Variants in GRID2 observed in about 807,000 individuals in gnomAD.
GRID2 encodes the protein glutamate ionotropic receptor delta type subunit 2.
Under a neutral mutation model 114.8 loss-of-function variants are expected in GRID2, and 33 were observed. The observed-to-expected ratio is 0.29, with a 90% CI of 0.22 to 0.38. GRID2 has a LOEUF of 0.38. Among genes scored for constraint, GRID2 ranks in the 10% least tolerant of loss-of-function variants. The pLI is 1.00. For synonymous variants in GRID2, 505 were observed against 449.9 expected (o/e 1.12, Z -1.55); for missense variants, 1,184 against 1,257.7 (o/e 0.94, Z 0.89).
chr4:92,822,454 G>A (rs1741354871), intron 2 of GRID2: 4 of 483,558 alleles, frequency 8.3e-6, no homozygotes, highest in Non-Finnish European at 1.6e-5. Flanking sequence ...GCTGCCGTTA[G>A]GTGAGAAGTG....
intron 1 of GRID2, among the ~76,000 whole-genome samples, chr4:92,371,235 G>A (rs540051045): frequency 3.7e-4 from 57 of 152,252 alleles, no homozygotes; most frequent in Admixed American, 4.6e-4. Flanking sequence ...TTATCCAGAA[G>A]ACATAGCTAA....
chr4:92,673,615 G>C (rs541378117), intron 2 of GRID2, among the ~76,000 whole-genome samples: 3 of 152,092 alleles, frequency 2.0e-5, no homozygotes, highest in Non-Finnish European at 4.4e-5. Context: ...TTTTTTTAAA[G>C]ATATTTTCCC....
intron 1 of GRID2, among the ~76,000 whole-genome samples, chr4:92,438,067 T>C (rs1380136434): frequency 3.3e-5 from 5 of 152,240 alleles, no homozygotes; most frequent in Non-Finnish European, 2.9e-5. Context: ...TATTTAAGGC[T>C]GTTAAGTATT....
intron 2 of GRID2, among the ~76,000 whole-genome samples, chr4:92,965,450 T>TGAAAAAAAAAAA: frequency 1.2e-5 from 1 of 85,760 alleles, no homozygotes; most frequent in Admixed American, 1.1e-4. Context: ...ATTCAATTTG[T>TGAAAAAAAAAAA]AAAAAAAAAA....
chr4:92,802,118 T>A (rs546532571), intron 2 of GRID2, among the ~76,000 whole-genome samples: 1 of 152,086 alleles, frequency 6.6e-6, no homozygotes, highest in South Asian at 2.1e-4. Context: ...TTGTACTTTT[T>A]AAAATACATA....
downstream of GRID2, among the ~76,000 whole-genome samples, chr4:93,775,468 T>A (rs1321815704): frequency 6.6e-6 from 1 of 152,194 alleles, no homozygotes; most frequent in Non-Finnish European, 1.5e-5. Context: ...TTGGGACACA[T>A]AGATCATCTG....
chr4:92,622,078 G>C (rs1019948916), intron 2 of GRID2, among the ~76,000 whole-genome samples: 1 of 151,642 alleles, frequency 6.6e-6, no homozygotes, highest in African/African-American at 2.4e-5. Context: ...AATAATTGAG[G>C]CAATGTGGAA....
At chr4:93,054,184 A>G (rs963865546) in intron 2 of GRID2, among the ~76,000 whole-genome samples, 5 of 151,968 alleles carry the variant, frequency 3.3e-5, no homozygotes, top group Non-Finnish European at 5.9e-5. Flanking sequence ...AGAAATGCTA[A>G]ATGAAACAAA....
chr4:93,772,058 C>G lies in GRID2; in HGVS notation c.2602-18C>G. ...CTAGTACTGATGAGAACCTTATTTT[C>G]TTTTTCTTCATCTCCAGGATGACAA... On this transcript the variant is annotated intron_variant, in intron 15 of 15. Coordinates refer to ENST00000282020, the MANE Select transcript of GRID2 (RefSeq NM_001510.4). The G allele has an allele frequency of 6.5e-7, 1 of 1,532,162 alleles. No homozygotes were observed. Among genetic ancestry groups the G allele is most frequent in the South Asian group, 1.1e-5 (1 of 87,722 alleles). The allele number at this position is 1,532,162 out of a possible 1,614,324, so 94.9% of individuals were successfully genotyped here.
chr4:93,750,311 T>C (rs1221884739), intron 14 of GRID2, among the ~76,000 whole-genome samples: 4 of 152,202 alleles, frequency 2.6e-5, no homozygotes, highest in Non-Finnish European at 5.9e-5. Context: ...CAGAATCCCC[T>C]TGGGAAAGTG....
At chr4:92,602,418 T>G (rs149701288) in intron 2 of GRID2, among the ~76,000 whole-genome samples, 15 of 152,194 alleles carry the variant, frequency 9.9e-5, no homozygotes, top group Non-Finnish European at 1.6e-4. Flanking sequence ...TCAATAAACA[T>G]AATTCATTAC....
chr4:92,395,902 C>G (rs1730469867), intron 1 of GRID2, among the ~76,000 whole-genome samples: 2 of 151,808 alleles, frequency 1.3e-5, no homozygotes, highest in Non-Finnish European at 3.0e-5. Context: ...ATTATTTATA[C>G]TTATAGAAAA....
chr4:92,765,906 T>C (rs1304827659), intron 2 of GRID2, among the ~76,000 whole-genome samples: 1 of 152,166 alleles, frequency 6.6e-6, no homozygotes, highest in African/African-American at 2.4e-5. Flanking sequence ...TTTGCCTCTC[T>C]GCTGAGATTT....
At chr4:93,203,112 A>G (rs974553989) in intron 4 of GRID2, among the ~76,000 whole-genome samples, 1 of 151,978 alleles carries the variant, frequency 6.6e-6, no homozygotes, top group Non-Finnish European at 1.5e-5. Context: ...ACCATTACTG[A>G]TATCAGTTAC....
At chr4:92,655,426 CTT>C (rs1162145016) in intron 2 of GRID2, among the ~76,000 whole-genome samples, 1 of 151,598 alleles carries the variant, frequency 6.6e-6, no homozygotes, top group Admixed American at 6.6e-5. Flanking sequence ...TGAAAAATAA[CTT>C]TTGTGTTTTG....
chr4:92,896,396 T>C (rs1747167685), intron 2 of GRID2, among the ~76,000 whole-genome samples: 1 of 152,142 alleles, frequency 6.6e-6, no homozygotes, highest in Non-Finnish European at 1.5e-5. Flanking sequence ...GATAATTGTT[T>C]CGCTAATTTA....
At chr4:92,807,456 T>G (rs1194888670) in intron 2 of GRID2, among the ~76,000 whole-genome samples, 1 of 151,944 alleles carries the variant, frequency 6.6e-6, no homozygotes, top group Non-Finnish European at 1.5e-5. Context: ...TAAGTATCAG[T>G]GACTCAGCAA....
At chr4:93,521,654 A>T (rs532719613) in intron 13 of GRID2, among the ~76,000 whole-genome samples, 9 of 152,124 alleles carry the variant, frequency 5.9e-5, no homozygotes, top group Non-Finnish European at 5.9e-5. Flanking sequence ...AAGAAGTAAA[A>T]GAGAGGATGT....
chr4:92,684,523 T>A (rs2149287376), intron 2 of GRID2, among the ~76,000 whole-genome samples: 1 of 152,158 alleles, frequency 6.6e-6, no homozygotes, highest in Non-Finnish European at 1.5e-5. Context: ...CATGTTAGGA[T>A]TATTTTAAAT....
Sources: gnomAD v4.1 joint callset for allele counts (sites outside exome capture counted in the v4.1 genomes callset) on GRCh38, gnomAD v4.1.1 for gene constraint, MANE v1.5 for transcripts, NCBI Gene and HGNC (gene_info 2026-07-23, HGNC 2026-07-21) for gene names.